The following TRPM3 variants were observed in gnomAD, a reference collection of about 807,000 sequenced individuals.
TRPM3 encodes transient receptor potential cation channel subfamily M member 3.
In TRPM3, 77 loss-of-function variants were observed where a neutral mutation model predicts 181.2. The ratio of observed to expected loss-of-function variants is 0.42; its 90% confidence interval spans 0.35 to 0.51. The LOEUF is 0.51. Ranked by LOEUF, TRPM3 falls within the 20% of genes least tolerant of loss-of-function variation. The pLI is 0.01. For missense variants in TRPM3, 1,759 were observed against 2,196.7 expected (o/e 0.80, Z 3.98); for synonymous variants, 745 against 796.4 (o/e 0.94, Z 1.09).
At chr9:71,412,387 TAAAC>T (rs1171551497) in intron 1 of TRPM3, among the ~76,000 whole-genome samples, 3 of 151,952 alleles carry the variant, frequency 2.0e-5, no homozygotes, top group African/African-American at 7.2e-5. Context: ...ACAAAGAACT[TAAAC>T]AAATTTACAG....
At chr9:71,287,675 C>A (rs1025579190) in intron 1 of TRPM3, among the ~76,000 whole-genome samples, 4 of 149,502 alleles carry the variant, frequency 2.7e-5, no homozygotes, top group Non-Finnish European at 3.0e-5. Flanking sequence ...TGCTATAATA[C>A]AATTGATATA....
chr9:70,600,346 G>A (rs2059672819), intron 20 of TRPM3, among the ~76,000 whole-genome samples: 3 of 152,238 alleles, frequency 2.0e-5, no homozygotes, highest in Middle Eastern at 6.8e-3. Context: ...TCTATATCCA[G>A]CTATTTGTGT....
intron 1 of TRPM3, among the ~76,000 whole-genome samples, chr9:70,868,288 T>C (rs557938132): frequency 6.6e-6 from 1 of 152,142 alleles, no homozygotes; most frequent in African/African-American, 2.4e-5. Flanking sequence ...CAAAGGCTAA[T>C]AATTAAAAGA....
chr9:71,198,172 A>G (rs2078519949), intron 1 of TRPM3, among the ~76,000 whole-genome samples: 2 of 151,558 alleles, frequency 1.3e-5, no homozygotes. Context: ...GTCAAAGATC[A>G]GATAGTTGTA....
chr9:70,873,454 A>C (rs148709147), intron 1 of TRPM3, among the ~76,000 whole-genome samples: 160 of 152,082 alleles, frequency 1.1e-3, no homozygotes, highest in Middle Eastern at 6.8e-3. Flanking sequence ...TCTTTCTTCA[A>C]ATTTCTTCAT....
chr9:70,895,661 T>C (rs1337250529), intron 1 of TRPM3, among the ~76,000 whole-genome samples: 2 of 152,182 alleles, frequency 1.3e-5, no homozygotes, highest in Non-Finnish European at 2.9e-5. Flanking sequence ...CCATTTTCAA[T>C]GAATTTCAAT....
Position 71,420,794 on chromosome 9 carries a change from A to AGAGAAAGAGAGG in TRPM3, c.183+25858_183+25859insCCTCTCTTTCTC, listed in dbSNP as rs1253168030. On this transcript the variant is annotated intron_variant, in intron 1 of 24. Transcript: ENST00000357533. The stretch of plus-strand genomic sequence containing the variant: ...GAGAGAGAAAGAGAGAGAAAGAGAG[A>AGAGAAAGAGAGG]GAAAGAAAGAGAGAAAGAAAGAGAG... Among the ~76,000 whole-genome samples the AGAGAAAGAGAGG allele has an allele frequency of 1.0e-3, 70 of 67,182 alleles. 18 individuals are homozygous for AGAGAAAGAGAGG. The highest frequency in any genetic ancestry group is 1.9e-3 in the Non-Finnish European group (60 of 32,126). 44.1% of individuals were successfully genotyped at this position (67,182 alleles called of 152,430 possible). A position where few individuals can be genotyped will look rare whatever the true frequency, so the allele number is the denominator to read the frequency against.
At chr9:71,211,087 C>T (rs2079468247) in intron 1 of TRPM3, among the ~76,000 whole-genome samples, 1 of 152,128 alleles carries the variant, frequency 6.6e-6, no homozygotes, top group Admixed American at 6.5e-5. Flanking sequence ...CACAGTCATT[C>T]CCTGGCAGAC....
At chr9:71,446,936 G>T, upstream of TRPM3, 1 of 1,243,264 alleles carries the variant, frequency 8.0e-7, no homozygotes, top group Non-Finnish European at 1.1e-6. Flanking sequence ...GCTCTCGGTT[G>T]GCGCTGCCTT....
Position 70,537,296 on chromosome 9 carries a change from C to A in TRPM3, c.3817G>T (p.Gly1273Trp). The stretch of plus-strand genomic sequence containing the variant: ...CGCTCCAGGGCCGTGGCCATGCGCC[C>A]GATAAGGTCTTCCAGCTGCGCCAGC... ...IRLAQLEDLI[G>W]RMATALERLT... is the part of the protein sequence containing the mutation. The change falls in exon 26 of 26, where the codon GGG becomes TGG. Residue 1273 changes from glycine to tryptophan, a missense_variant. Physicochemically the swap from Gly to Trp is radical, Grantham distance 184. Coordinates refer to ENST00000677713, the MANE Select transcript of TRPM3 (RefSeq NM_001366145.2). 1 of 1,547,920 alleles carries A rather than the reference C, an allele frequency of 6.5e-7. No homozygotes were observed. Among genetic ancestry groups the A allele is most frequent in the Non-Finnish European group, 8.7e-7 (1 of 1,144,464 alleles).
intron 1 of TRPM3, among the ~76,000 whole-genome samples, chr9:70,942,219 A>G (rs1326792744): frequency 6.6e-6 from 1 of 152,150 alleles, no homozygotes; most frequent in Non-Finnish European, 1.5e-5. Flanking sequence ...ATTTCCTCTT[A>G]TATTCTTTTT....
At chr9:71,314,408 C>T (rs553953910) in intron 1 of TRPM3, among the ~76,000 whole-genome samples, 1 of 152,152 alleles carries the variant, frequency 6.6e-6, no homozygotes, top group South Asian at 2.1e-4. Flanking sequence ...TTTCTTTGTT[C>T]TCTAGTTTCA....
At chr9:71,420,733 G>T (rs1388800349) in intron 1 of TRPM3, among the ~76,000 whole-genome samples, 2 of 54,978 alleles carry the variant, frequency 3.6e-5, no homozygotes, top group Non-Finnish European at 8.7e-5. Flanking sequence ...GAGAGAGAGA[G>T]AGAAAGAGAG....
intron 6 of TRPM3, among the ~76,000 whole-genome samples, chr9:70,808,735 C>G (rs2091236887): frequency 6.6e-6 from 1 of 152,134 alleles, no homozygotes; most frequent in Non-Finnish European, 1.5e-5. Context: ...TACTTGACAG[C>G]ACCTGAAAAA....
chr9:70,739,201 C>G (rs1684795786), intron 8 of TRPM3, among the ~76,000 whole-genome samples: 1 of 152,130 alleles, frequency 6.6e-6, no homozygotes, highest in South Asian at 2.1e-4. Context: ...ACCGATATCC[C>G]TGATGAGCAC....
rs2095507423 is a variant in TRPM3, at chr9:70,861,053, C to T, written c.462+1855G>A. Reference sequence around the variant, plus strand: ...CGCTTCTAACCTCCTAATACTGATACTTCACTACTAACACTCCATTTTTAA... The same window carrying T: ...CGCTTCTAACCTCCTAATACTGATATTTCACTACTAACACTCCATTTTTAA... On this transcript the variant is annotated intron_variant, in intron 3 of 25. Transcript: ENST00000677713. Among the ~76,000 whole-genome samples, 4 of 152,258 alleles carry T rather than the reference C, an allele frequency of 2.6e-5. 1 individual carries two copies. In the South Asian group the frequency reaches 8.3e-4, roughly 32 times the overall value.
chr9:70,760,573 A>G (rs527338022), intron 8 of TRPM3: 1 of 151,542 alleles, frequency 6.6e-6, no homozygotes, highest in Admixed American at 6.6e-5. Flanking sequence ...ATCTTCACTC[A>G]TCTCATCCCA....
chr9:70,662,622 C>T (rs1446885407), intron 9 of TRPM3, among the ~76,000 whole-genome samples: 1 of 152,026 alleles, frequency 6.6e-6, no homozygotes, highest in Admixed American at 6.6e-5. Flanking sequence ...TACAAATGGC[C>T]AACAAACACA....
At chr9:70,608,884 C>G (rs1480627031) in intron 19 of TRPM3, among the ~76,000 whole-genome samples, 1 of 152,098 alleles carries the variant, frequency 6.6e-6, no homozygotes, top group Admixed American at 6.6e-5. Flanking sequence ...GTTAGGATTA[C>G]AAAGAGTACT....
Sources: allele counts gnomAD v4.1 joint callset (sites outside exome capture counted in the v4.1 genomes callset), GRCh38; gene constraint gnomAD v4.1.1; transcripts MANE v1.5; gene names NCBI Gene and HGNC (gene_info 2026-07-23, HGNC 2026-07-21).